The following AGBL4 variants were observed in gnomAD, a reference collection of about 807,000 sequenced individuals.
AGBL4 encodes AGBL carboxypeptidase 4, also known as cytosolic carboxypeptidase 6.
A neutral mutation model predicts 66.4 loss-of-function variants in AGBL4; 58 were observed. The ratio of observed to expected loss-of-function variants is 0.87; its 90% confidence interval spans 0.71 to 1.09. AGBL4 has a LOEUF of 1.09. Ranked by LOEUF, AGBL4 falls within the 50% of genes least tolerant of loss-of-function variation. The pLI, the probability that AGBL4 is intolerant of heterozygous loss-of-function variation, is 0.00. For synonymous variants in AGBL4, 234 were observed against 222.9 expected (o/e 1.05, Z -0.44); for missense variants, 579 against 631.0 (o/e 0.92, Z 0.88).
intron 3 of AGBL4, among the ~76,000 whole-genome samples, chr1:49,451,037 GA>G (rs533355240): frequency 6.6e-6 from 1 of 151,848 alleles, no homozygotes; most frequent in African/African-American, 2.4e-5. Flanking sequence ...GGCTCTAGAA[GA>G]AAAAAAATTC....
chr1:48,601,474 A>G (rs971068667), intron 9 of AGBL4, among the ~76,000 whole-genome samples: 1 of 152,228 alleles, frequency 6.6e-6, no homozygotes, highest in African/African-American at 2.4e-5. Context: ...ACATTTTACA[A>G]GTAACTTTCT....
At chr1:48,710,106 A>C (rs1646942916) in intron 6 of AGBL4, among the ~76,000 whole-genome samples, 1 of 152,166 alleles carries the variant, frequency 6.6e-6, no homozygotes, top group East Asian at 1.9e-4. Flanking sequence ...ATCCGACTGG[A>C]AAGACTGAAC....
intron 3 of AGBL4, among the ~76,000 whole-genome samples, chr1:49,622,437 G>A (rs930774160): frequency 1.3e-5 from 2 of 151,288 alleles, no homozygotes; most frequent in South Asian, 2.1e-4. Context: ...AGACCATCCC[G>A]GCTAAAACGG....
intron 6 of AGBL4, among the ~76,000 whole-genome samples, chr1:48,807,700 T>C (rs1645957576): frequency 6.6e-6 from 1 of 152,160 alleles, no homozygotes. Flanking sequence ...CTTTTGAATG[T>C]TCCCCATGCA....
chr1:48,531,207 TTC>T (rs59031219), downstream of AGBL4, among the ~76,000 whole-genome samples: 39,931 of 149,810 alleles, frequency 0.27, 5,878 homozygotes, highest in East Asian at 0.35. Flanking sequence ...GCTTTTTTTT[TTC>T]TCTCTCTCTC....
chr1:49,845,327 A>AT, intron 2 of AGBL4: 1 of 1,498,140 alleles, frequency 6.7e-7, no homozygotes, highest in African/African-American at 1.4e-5. Flanking sequence ...GAGAAACCCT[A>AT]TGAGTGCAGT....
At chr1:48,991,367 C>T (rs959108839) in intron 5 of AGBL4, among the ~76,000 whole-genome samples, 9 of 150,406 alleles carry the variant, frequency 6.0e-5, no homozygotes, top group African/African-American at 2.0e-4. Flanking sequence ...ACTGGAGTTC[C>T]ATTGTGTTTG....
At chr1:49,832,222 C>A (rs1474164862) in intron 2 of AGBL4, among the ~76,000 whole-genome samples, 4 of 151,556 alleles carry the variant, frequency 2.6e-5, no homozygotes, top group African/African-American at 9.7e-5. Context: ...GTTCAATTCC[C>A]ACCTATGAGT....
intron 1 of AGBL4, among the ~76,000 whole-genome samples, chr1:49,919,771 G>A (rs1462815641): frequency 1.3e-4 from 20 of 152,080 alleles, no homozygotes; most frequent in South Asian, 1.0e-3. Flanking sequence ...AAAAGAGCCC[G>A]CATTGCCAAG....
chr1:49,842,423 G>C (rs1646020295), intron 2 of AGBL4: 1 of 807,130 alleles, frequency 1.2e-6, no homozygotes, highest in African/African-American at 1.9e-5. Flanking sequence ...AGAGAAGCCT[G>C]TCCATGCTTG....
chr1:49,500,924 T>A (rs1021602506), intron 3 of AGBL4, among the ~76,000 whole-genome samples: 1 of 152,060 alleles, frequency 6.6e-6, no homozygotes, highest in African/African-American at 2.4e-5. Flanking sequence ...ATGATGATGG[T>A]ATTTTGATGA....
chr1:49,446,160 C>T (rs147189525), intron 3 of AGBL4, among the ~76,000 whole-genome samples: 6 of 152,272 alleles, frequency 3.9e-5, no homozygotes, highest in Non-Finnish European at 8.8e-5. Context: ...CCATATTTTA[C>T]ATTCTTTATC....
intron 3 of AGBL4, among the ~76,000 whole-genome samples, chr1:49,423,924 ATCCC>A (rs1274943355): frequency 6.6e-6 from 1 of 152,080 alleles, no homozygotes; most frequent in Non-Finnish European, 1.5e-5. Flanking sequence ...AATAGGCAAA[ATCCC>A]TAATGTCAAT....
At chr1:49,538,507 C>T (rs1651774431) in intron 3 of AGBL4, among the ~76,000 whole-genome samples, 1 of 152,070 alleles carries the variant, frequency 6.6e-6, no homozygotes, top group South Asian at 2.1e-4. Flanking sequence ...TAACAAAATA[C>T]AATTATTTTA....
intron 3 of AGBL4, among the ~76,000 whole-genome samples, chr1:49,378,572 A>C (rs1313155406): frequency 2.0e-5 from 3 of 152,068 alleles, no homozygotes. Context: ...AAGAAAAAAA[A>C]AGATAGCATT....
intron 4 of AGBL4, among the ~76,000 whole-genome samples, chr1:49,154,295 C>T (rs904277980): frequency 6.6e-6 from 1 of 151,510 alleles, no homozygotes. Context: ...AGTAACAGTA[C>T]CTGCTTTACA....
At chr1:49,775,621 A>G (rs1644175459) in intron 2 of AGBL4, among the ~76,000 whole-genome samples, 3 of 152,084 alleles carry the variant, frequency 2.0e-5, no homozygotes, top group Non-Finnish European at 4.4e-5. Flanking sequence ...CTTAAATTAT[A>G]ATTACCATGT....
At chr1:49,453,127 A>G (rs1358733014) in intron 3 of AGBL4, among the ~76,000 whole-genome samples, 1 of 151,954 alleles carries the variant, frequency 6.6e-6, no homozygotes, top group African/African-American at 2.4e-5. Flanking sequence ...CACAGATGGA[A>G]TGAGGTGACT....
intron 5 of AGBL4, among the ~76,000 whole-genome samples, chr1:48,888,777 A>G (rs1277353584): frequency 6.6e-6 from 1 of 152,232 alleles, no homozygotes; most frequent in African/African-American, 2.4e-5. Context: ...CAATGCAGGT[A>G]GGGAGTTGTG....
Sources: gnomAD v4.1 joint callset for allele counts (sites outside exome capture counted in the v4.1 genomes callset) on GRCh38, gnomAD v4.1.1 for gene constraint, MANE v1.5 for transcripts, NCBI Gene and HGNC (gene_info 2026-07-23, HGNC 2026-07-21) for gene names.